The following WDHD1 variants were observed in gnomAD, a reference collection of about 807,000 sequenced individuals.
WDHD1 encodes WD repeat and HMG-box DNA binding protein 1.
In WDHD1, 111 loss-of-function variants were observed where a neutral mutation model predicts 135.4. The observed-to-expected ratio is 0.82, with a 90% CI of 0.70 to 0.96. WDHD1 has a LOEUF of 0.96. WDHD1 is among the 40% of genes least tolerant of loss of function. The pLI is 0.00. For missense variants in WDHD1, 1,351 were observed against 1,336.3 expected, an observed-to-expected ratio of 1.01 and a Z score of -0.17; for synonymous variants, 434 against 439.0, an observed-to-expected ratio of 0.99 and a Z score of 0.14.
chr14:54,995,127 A>C (rs2041855822), intron 11 of WDHD1, among the ~76,000 whole-genome samples: 1 of 152,064 alleles, frequency 6.6e-6, no homozygotes, highest in Admixed American at 6.6e-5. Context: ...GATTACAGGC[A>C]CGTGCCACCA....
intron 24 of WDHD1, among the ~76,000 whole-genome samples, chr14:54,949,366 A>C (rs920119406): frequency 5.3e-5 from 8 of 152,254 alleles, no homozygotes; most frequent in African/African-American, 1.9e-4. Context: ...CACAAGCCTC[A>C]GTAGCCAATT....
At chr14:54,966,729 G>T in intron 17 of WDHD1, 123 bp from the exon 18 acceptor site, 2 of 1,111,108 alleles carry the variant, frequency 1.8e-6, no homozygotes, top group Non-Finnish European at 1.2e-6. Flanking sequence ...CTTTCTATAA[G>T]TTTATTTTAC....
At chr14:55,004,484 G>A (rs112045621) in intron 7 of WDHD1, among the ~76,000 whole-genome samples, 4 of 151,134 alleles carry the variant, frequency 2.6e-5, no homozygotes, top group African/African-American at 9.8e-5. Context: ...ATAGAGTCTC[G>A]CTCTATCACC....
At chr14:54,949,067 A>G (rs2040987783) in intron 24 of WDHD1, among the ~76,000 whole-genome samples, 1 of 152,196 alleles carries the variant, frequency 6.6e-6, no homozygotes, top group African/African-American at 2.4e-5. Context: ...CAGAGCAAAA[A>G]AGCTGAAAAT....
chr14:55,012,676 T>C lies in WDHD1; in HGVS notation c.189+809A>G, dbSNP rs200940413. Among the ~76,000 whole-genome samples the C allele has an allele frequency of 4.6e-5, 7 of 152,204 alleles. No homozygotes were observed. In the East Asian group the frequency reaches 9.6e-4, roughly 21 times the overall value. On this transcript the variant is annotated intron_variant, in intron 3 of 25. Transcript: ENST00000360586. ...GGCTGGACACTACAAGATTGAGGGG[T>C]TGGCATCTGGCAAGGGTCTTCTTAT...
Position 54,940,536 on chromosome 14 carries a change from T to C in WDHD1, c.*954A>G, listed in dbSNP as rs1230487277. 1 of 152,186 alleles carries C rather than the reference T, an allele frequency of 6.6e-6. No individual in the cohort carries two copies. The highest frequency in any genetic ancestry group is 1.5e-5 in the Non-Finnish European group (1 of 68,034). The allele number at this position is 152,186 out of a possible 1,614,324, so 9.4% of individuals were successfully genotyped here. On this transcript the variant is annotated 3_prime_UTR_variant, in exon 26 of 26. Coordinates refer to ENST00000360586, the MANE Select transcript of WDHD1 (RefSeq NM_007086.4). ...CCACCCCCAGTACACTGCCTTTATG[T>C]GGCTGCATTTGTATTAGTCTCTGCT...
intron 24 of WDHD1, among the ~76,000 whole-genome samples, chr14:54,952,784 C>T (rs1347753140): frequency 1.3e-5 from 2 of 152,140 alleles, no homozygotes; most frequent in Non-Finnish European, 2.9e-5. Flanking sequence ...GAGATACAGA[C>T]CAATGGAACA....
In WDHD1 at chr14:54,995,684, C is replaced by T. The variant is rs1367526989; in HGVS notation, c.1072G>A (p.Glu358Lys). The change falls in exon 11 of 26, where the codon GAG becomes AAG. Residue 358 changes from glutamate (E) to lysine (K), a missense_variant. Transcript: ENST00000360586. ...GCCATCATGAGGTCTTCATCATCCT[C>T]ATCATCATTTATAATCCCTTTTGAA... ...SFSKGIINDD[E>K]DDEDLMMASG... 1 of 1,613,808 alleles carries T rather than the reference C, an allele frequency of 6.2e-7. No individual in the cohort carries two copies. The highest frequency in any genetic ancestry group is 2.2e-5 in the East Asian group (1 of 44,852).
chr14:55,016,902 G>C (rs1415369007), intron 2 of WDHD1, among the ~76,000 whole-genome samples: 1 of 152,188 alleles, frequency 6.6e-6, no homozygotes, highest in African/African-American at 2.4e-5. Flanking sequence ...TTTCAGATGA[G>C]ATCAGGTGCG....
chr14:55,001,734 T>G (rs1248934335), intron 8 of WDHD1, among the ~76,000 whole-genome samples: 2 of 152,198 alleles, frequency 1.3e-5, no homozygotes, highest in African/African-American at 4.8e-5. Context: ...ACTGTAAATA[T>G]CTACGCATGT....
At chr14:54,986,796 C>G (rs2041701741) in intron 14 of WDHD1, among the ~76,000 whole-genome samples, 1 of 152,116 alleles carries the variant, frequency 6.6e-6, no homozygotes, top group East Asian at 1.9e-4. Context: ...GAGGCAGCAG[C>G]TTTTAAAAAG....
intron 10 of WDHD1, among the ~76,000 whole-genome samples, chr14:54,998,579 T>A (rs951520174): frequency 2.0e-5 from 3 of 152,252 alleles, no homozygotes; most frequent in African/African-American, 7.2e-5. Flanking sequence ...CCAGCTCTTT[T>A]AGTTGTTTCT....
chr14:54,960,294 A>G lies in WDHD1; in HGVS notation c.2701+2204T>C, dbSNP rs531607157. 2.0e-5 allele frequency among the ~76,000 whole-genome samples: 3 copies of G among 151,978 alleles called. No individual in the cohort carries two copies. In the East Asian group the frequency reaches 5.8e-4, roughly 29 times the overall value. On this transcript the variant is annotated intron_variant, in intron 21 of 25. Transcript: ENST00000360586. ...GCCATTCTCCTGCCTCAGCCTCCCA[A>G]GTAGCTGGGATTACAGGTGCCTGTC...
rs148572722 is a variant in WDHD1, at chr14:54,995,686, T to C, written c.1070A>G (p.Asp357Gly). 226 of 1,613,878 alleles carry C rather than the reference T, an allele frequency of 1.4e-4. No homozygotes were observed. The African/African-American group carries it at 2.6e-3, about 19-fold the overall frequency. ...PSFSKGIIND[D>G]EDDEDLMMAS... ...CATCATGAGGTCTTCATCATCCTCATCATCATTTATAATCCCTTTTGAAAA... is the reference window on the plus strand; with the variant it reads ...CATCATGAGGTCTTCATCATCCTCACCATCATTTATAATCCCTTTTGAAAA... Residue 357 changes from aspartate to glycine, a missense_variant, in exon 11 of 26, where the codon GAT becomes GGT. Asp to Gly is a moderately conservative substitution (Grantham distance 94, BLOSUM62 -1). Around this residue, in one of 2 missense-constraint regions of WDHD1, gnomAD observed 1,330 missense variants for 1,296.1 expected, o/e 1.03. Transcript: ENST00000360586.
intron 16 of WDHD1, among the ~76,000 whole-genome samples, chr14:54,969,062 G>A (rs1317729711): frequency 3.3e-5 from 5 of 151,530 alleles, no homozygotes; most frequent in Non-Finnish European, 5.9e-5. Flanking sequence ...TTTTTGAGAC[G>A]GAGTCTCGCT....
chr14:54,981,351 C>G lies in WDHD1; in HGVS notation c.2063+189G>C, dbSNP rs2041616109. Reference sequence around the variant, plus strand: ...TCATCCTAATTATTTCTATTTTGTTCAACATGTTTCAAGTAAAGCAAGTGA... The same window carrying G: ...TCATCCTAATTATTTCTATTTTGTTGAACATGTTTCAAGTAAAGCAAGTGA... On this transcript the variant is annotated intron_variant, in intron 16 of 25. Coordinates refer to ENST00000360586, the MANE Select transcript of WDHD1 (RefSeq NM_007086.4). Among the ~76,000 whole-genome samples, 3 of 152,012 alleles carry G rather than the reference C, an allele frequency of 2.0e-5. No individual in the cohort carries two copies. In the South Asian group the frequency reaches 6.2e-4, roughly 32 times the overall value.
At chr14:54,966,153 C>T (rs1186864731) in intron 18 of WDHD1, among the ~76,000 whole-genome samples, 1 of 123,960 alleles carries the variant, frequency 8.1e-6, no homozygotes, top group Non-Finnish European at 1.7e-5. Flanking sequence ...ATAGGGAAAC[C>T]CCATCTCTAC....
intron 10 of WDHD1, among the ~76,000 whole-genome samples, chr14:54,997,679 G>A (rs974852273): frequency 3.3e-5 from 5 of 151,880 alleles, no homozygotes; most frequent in African/African-American, 1.2e-4. Flanking sequence ...TTGGGAGGCC[G>A]AGGTGGGCAG....
chr14:55,010,546 AC>A, intron 3 of WDHD1, 86 bp from the exon 4 acceptor site: 1 of 1,184,000 alleles, frequency 8.4e-7, no homozygotes, highest in Non-Finnish European at 1.1e-6. Context: ...CCGGTAAAAA[AC>A]AAAAAACCTT....
Sources: gnomAD v4.1 joint callset for allele counts (sites outside exome capture counted in the v4.1 genomes callset) on GRCh38, gnomAD v4.1.1 for gene constraint, gnomAD v4.1.1 regional missense constraint, MANE v1.5 for transcripts, NCBI Gene and HGNC (gene_info 2026-07-23, HGNC 2026-07-21) for gene names.